Variants in SBNO2 observed in about 807,000 individuals in gnomAD.
SBNO2 encodes the protein protein strawberry notch homolog 2.
In SBNO2, 89 loss-of-function variants were observed where a neutral mutation model predicts 146.3. That is an observed-to-expected ratio of 0.61 (90% CI 0.51 to 0.73). The LOEUF is 0.73. Among genes scored for constraint, SBNO2 ranks in the 30% least tolerant of loss-of-function variants. SBNO2 has a pLI of 0.00. For synonymous variants in SBNO2, 1,147 were observed against 892.6 expected (o/e 1.29, Z -5.08); for missense variants, 2,092 against 2,003.7 (o/e 1.04, Z -0.84).
chr19:1,166,888 G>C (rs1404696407), intron 1 of SBNO2, among the ~76,000 whole-genome samples: 1 of 152,278 alleles, frequency 6.6e-6, no homozygotes, highest in South Asian at 2.1e-4. Flanking sequence ...CAGGCCACAA[G>C]GTCTCCCCAC....
Position 1,108,169 on chromosome 19 carries a change from T to G in SBNO2, c.*51A>C. ...TGGCCCTGCTCCCCACCGCTGCTCCTAGGGGAGAAACGGTCCCTGTGTCTT... is the reference window on the plus strand; with the variant it reads ...TGGCCCTGCTCCCCACCGCTGCTCCGAGGGGAGAAACGGTCCCTGTGTCTT... On this transcript the variant is annotated 3_prime_UTR_variant, in exon 32 of 32. Coordinates refer to ENST00000361757, the MANE Select transcript of SBNO2 (RefSeq NM_014963.3). 1.3e-6 allele frequency: 2 copies of G among 1,482,036 alleles called. No homozygotes were observed. Among genetic ancestry groups the G allele is most frequent in the Non-Finnish European group, 1.8e-6 (2 of 1,108,646 alleles). 91.8% of individuals were successfully genotyped at this position (1,482,036 alleles called of 1,614,324 possible).
At chr19:1,125,104 G>C (rs1428346858) in intron 5 of SBNO2, among the ~76,000 whole-genome samples, 1 of 151,846 alleles carries the variant, frequency 6.6e-6, no homozygotes, top group Admixed American at 6.6e-5. Flanking sequence ...GTAAATCCCA[G>C]CACTTTGGGA....
chr19:1,132,653 C>G (rs999334857), intron 4 of SBNO2, among the ~76,000 whole-genome samples: 5 of 152,216 alleles, frequency 3.3e-5, no homozygotes, highest in African/African-American at 9.6e-5. Context: ...CACCTCAGGC[C>G]CTGCTGCGCC....
intron 4 of SBNO2, among the ~76,000 whole-genome samples, chr19:1,145,624 C>T (rs1442092363): frequency 1.3e-5 from 2 of 152,072 alleles, no homozygotes; most frequent in Admixed American, 1.3e-4. Context: ...GAGGAAGGAG[C>T]CACTGCCATC....
chr19:1,108,611 C>T lies in SBNO2; in HGVS notation c.3710G>A (p.Gly1237Asp). Residue 1237 changes from glycine (G) to aspartate (D), a missense_variant, in exon 32 of 32, where the codon GGC becomes GAC. Coordinates refer to ENST00000361757, the MANE Select transcript of SBNO2 (RefSeq NM_014963.3). ...GCGCGGGGCGGGCGGGGCGGGGCAG[C>T]CCAGGGCGGGCGCCTGCCTGCGCTT... ...DVKRRQAPALGCPAPPAPRPL... is the reference protein window; with the variant it reads ...DVKRRQAPALDCPAPPAPRPL... 1 of 1,417,984 alleles carries T rather than the reference C, an allele frequency of 7.1e-7. No individual in the cohort carries two copies. The highest frequency in any genetic ancestry group is 9.1e-7 in the Non-Finnish European group (1 of 1,094,646). The allele number at this position is 1,417,984 out of a possible 1,614,324, so 87.8% of individuals were successfully genotyped here.
chr19:1,147,336 C>G lies in SBNO2; in HGVS notation c.252G>C (p.Leu84Phe). 1 of 1,573,400 alleles carries G rather than the reference C, an allele frequency of 6.4e-7. No homozygotes were observed. The highest frequency in any genetic ancestry group is 8.6e-7 in the Non-Finnish European group (1 of 1,163,356). Residue 84 changes from leucine (L) to phenylalanine (F), a missense_variant, in exon 4 of 32, where the codon TTG (leucine) becomes TTC (phenylalanine). By Grantham distance (22) the Leu-to-Phe change is conservative. Transcript: ENST00000361757. Reference protein sequence around the residue: ...SYAPVATASSLPPKTCDFAQD... With the variant: ...SYAPVATASSFPPKTCDFAQD... ...GAGCAAAGTCGCAGGTCTTTGGTGG[C>G]AAGCTGGAGGCGGTGGCCACGGGGG...
chr19:1,156,099 G>C (rs1197286371), intron 1 of SBNO2, among the ~76,000 whole-genome samples: 2 of 152,086 alleles, frequency 1.3e-5, no homozygotes, highest in African/African-American at 4.8e-5. Flanking sequence ...CGTCCTCGGG[G>C]TACACCATAG....
intron 5 of SBNO2, among the ~76,000 whole-genome samples, chr19:1,124,352 C>A (rs558358306): frequency 6.6e-6 from 1 of 152,202 alleles, no homozygotes; most frequent in African/African-American, 2.4e-5. Context: ...AGCTTGGTCC[C>A]GCGGGAGCTG....
intron 1 of SBNO2, among the ~76,000 whole-genome samples, chr19:1,164,538 G>C (rs2080385829): frequency 7.6e-6 from 1 of 132,274 alleles, no homozygotes; most frequent in African/African-American, 2.9e-5. Flanking sequence ...AGGAGGAGGA[G>C]GAGGAGGAGG....
chr19:1,115,231 C>A (rs2079816857), intron 17 of SBNO2: 1 of 150,730 alleles, frequency 6.6e-6, no homozygotes, highest in African/African-American at 2.4e-5. Flanking sequence ...CTGCACCTAG[C>A]CAATATTTTA....
chr19:1,141,005 C>T (rs560687064), intron 4 of SBNO2, among the ~76,000 whole-genome samples: 1 of 151,690 alleles, frequency 6.6e-6, no homozygotes, highest in African/African-American at 2.4e-5. Flanking sequence ...GAAGACACAC[C>T]CTGGAGAAGA....
At position 1,109,810 on chromosome 19, in the gene SBNO2, A is replaced by C; in HGVS notation, c.3029-33T>G. 1 of 1,510,700 alleles carries C rather than the reference A, an allele frequency of 6.6e-7. No homozygotes were observed. The highest frequency in any genetic ancestry group is 9.0e-7 in the Non-Finnish European group (1 of 1,105,240). The allele number at this position is 1,510,700 out of a possible 1,614,324, so 93.6% of individuals were successfully genotyped here. A position where few individuals can be genotyped will look rare whatever the true frequency, so the allele number is the denominator to read the frequency against. ...GGCGGGTGGAGGGTAAGTGGTGTCC[A>C]GGCCTGGGACTGTGGGCTGGGGCCA... On this transcript the variant is annotated intron_variant, in intron 26 of 31. Coordinates refer to ENST00000361757, the MANE Select transcript of SBNO2 (RefSeq NM_014963.3). The surrounding 1 kb of genome is among the most constrained non-coding windows in gnomAD (Gnocchi z 4.2).
rs1249413095 is a variant in SBNO2 at position 1,144,568 on chromosome 19, AG to A, written c.279+2740del. 6.6e-6 allele frequency among the ~76,000 whole-genome samples: 1 copy of A among 151,930 alleles called. No individual in the cohort carries two copies. Among genetic ancestry groups the A allele is most frequent in the Admixed American group, 6.6e-5 (1 of 15,244 alleles). ...CAGAGACATGGAGAGAGACAGAGAC[AG>A]GGAGACAGAGACGCAGAGACATAGA... is the stretch of plus-strand genomic sequence containing the variant. On this transcript the variant is annotated intron_variant, in intron 4 of 31. Transcript: ENST00000361757. This position sits in a 1 kb window ranked among gnomAD's most constrained non-coding sequence, Gnocchi z 4.1.
rs2079911186 is a variant in SBNO2, at chr19:1,122,376, G to A, written c.1005+92C>T. 4.0e-6 allele frequency: 6 copies of A among 1,516,888 alleles called. No homozygotes were observed. The East Asian group carries it at 9.8e-5, about 25-fold the overall frequency. 94.0% of individuals were successfully genotyped at this position (1,516,888 alleles called of 1,614,324 possible). On this transcript the variant is annotated intron_variant, in intron 10 of 31. Transcript: ENST00000361757. Reference sequence around the variant, plus strand: ...TCTGTAAGGGTGCTGGGCAGAGCCTGCCCTGGCTGCTGGCCCACCCAGCTG... The same window carrying A: ...TCTGTAAGGGTGCTGGGCAGAGCCTACCCTGGCTGCTGGCCCACCCAGCTG...
chr19:1,166,010 TCCCAGAC>T (rs2080416618), intron 1 of SBNO2, among the ~76,000 whole-genome samples: 2 of 9,628 alleles, frequency 2.1e-4, no homozygotes, highest in Non-Finnish European at 1.9e-4. Flanking sequence ...AGATCCTAGA[TCCCAGAC>T]CTCAGACCCC....
At position 1,150,736 on chromosome 19, in the gene SBNO2, A is replaced by G. The variant is rs2080235049; in HGVS notation, c.94-1294T>C. ...TGCTCCTCTATGAGGCCCTGATGCA[A>G]TTCCCTGGGGCTCGGCCACCTCTGC... is the stretch of plus-strand genomic sequence containing the variant. On this transcript the variant is annotated intron_variant, in intron 2 of 31. Transcript: ENST00000361757. This position sits in a 1 kb window ranked among gnomAD's most constrained non-coding sequence, Gnocchi z 6.2. 1.3e-5 allele frequency among the ~76,000 whole-genome samples: 2 copies of G among 151,932 alleles called. No homozygotes were observed. The highest frequency in any genetic ancestry group is 4.8e-5 in the African/African-American group (2 of 41,386).
At chr19:1,148,216 C>G (rs1029482859) in intron 3 of SBNO2, among the ~76,000 whole-genome samples, 1 of 151,772 alleles carries the variant, frequency 6.6e-6, no homozygotes, top group South Asian at 2.1e-4. Flanking sequence ...GGCAGACCTG[C>G]TCCCAGGGCA....
rs368792124 is a variant in SBNO2 at position 1,132,782 on chromosome 19, GC to G, written c.280-5018del. On this transcript the variant is annotated intron_variant, in intron 4 of 31. Transcript: ENST00000361757. ...TGTCCGTGCCCAGGGGGTTCAGCGG[GC>G]CCCGTGGCCTCCCTTGATCTGGGGC... Among the ~76,000 whole-genome samples the G allele has an allele frequency of 2.6e-5, 4 of 152,294 alleles. No homozygotes were observed. The East Asian group carries it at 7.7e-4, about 29-fold the overall frequency.
chr19:1,125,140 C>A (rs541509133), intron 5 of SBNO2, among the ~76,000 whole-genome samples: 5 of 148,952 alleles, frequency 3.4e-5, no homozygotes, highest in Non-Finnish European at 7.4e-5. Context: ...GAGTGGAGGT[C>A]AGGATTTCGA....
Sources: allele counts gnomAD v4.1 joint callset (sites outside exome capture counted in the v4.1 genomes callset), GRCh38; gene constraint gnomAD v4.1.1; non-coding constraint Gnocchi (gnomAD v3.1); transcripts MANE v1.5; gene names NCBI Gene and HGNC (gene_info 2026-07-23, HGNC 2026-07-21).